The following PLCG2 variants were observed in gnomAD, a reference collection of about 807,000 sequenced individuals.
The protein encoded by PLCG2 is phospholipase C gamma 2.
PLCG2 carries 69 observed loss-of-function variants against 175.6 expected under a neutral mutation model. That is an observed-to-expected ratio of 0.39 (90% CI 0.32 to 0.48). The LOEUF (loss-of-function observed/expected upper bound fraction) is 0.48. Among genes scored for constraint, PLCG2 ranks in the 20% least tolerant of loss-of-function variants. The probability of loss-of-function intolerance (pLI) is 0.91; values close to 1 mark genes in which losing one functional copy is unlikely to be tolerated. For synonymous variants in PLCG2, 827 were observed against 624.0 expected, an observed-to-expected ratio of 1.33 and a Z score of -4.85; for missense variants, 1,798 against 1,650.9, an observed-to-expected ratio of 1.09 and a Z score of -1.54.
At chr16:81,861,886 C>T (rs1906999005) in intron 5 of PLCG2, among the ~76,000 whole-genome samples, 1 of 152,188 alleles carries the variant, frequency 6.6e-6, no homozygotes, top group South Asian at 2.1e-4. Flanking sequence ...ATCCATCTTC[C>T]CATCGGCTGG....
intron 7 of PLCG2, among the ~76,000 whole-genome samples, chr16:81,878,209 C>T (rs113539756): frequency 1.3e-5 from 2 of 151,906 alleles, no homozygotes; most frequent in Admixed American, 6.6e-5. Context: ...TGGTCTCCAT[C>T]TCCTGACCTA....
Position 81,846,069 on chromosome 16 carries a change from C to A in PLCG2, c.194-8375C>A, listed in dbSNP as rs549926302. On this transcript the variant is annotated intron_variant, in intron 2 of 32. Transcript: ENST00000564138. ...GATGCTGTTGTGCCCCACTCAGCTC[C>A]CATTACCAGGCTTGTGCTCCATTTC... Among the ~76,000 whole-genome samples the A allele has an allele frequency of 1.6e-4, 25 of 152,312 alleles. 1 individual carries two copies. In the South Asian group the frequency reaches 5.2e-3, roughly 32 times the overall value.
chr16:81,758,770 C>A (rs1472298966), intron 2 of PLCG2, among the ~76,000 whole-genome samples: 1 of 151,890 alleles, frequency 6.6e-6, no homozygotes, highest in Admixed American at 6.6e-5. Context: ...CTTTGCCTCC[C>A]AGGTTCAAGC....
chr16:81,945,027 A>T (rs1449260233), intron 30 of PLCG2, among the ~76,000 whole-genome samples: 12 of 152,192 alleles, frequency 7.9e-5, no homozygotes, highest in Non-Finnish European at 4.4e-5. Context: ...ATGGAATGCA[A>T]ATATTATATA....
chr16:81,844,317 C>T (rs980007105), intron 2 of PLCG2, among the ~76,000 whole-genome samples: 2 of 149,610 alleles, frequency 1.3e-5, no homozygotes, highest in African/African-American at 4.9e-5. Flanking sequence ...CTTTTCCTTT[C>T]TTTTCTTTCT....
chr16:81,837,288 C>G (rs1458656698), intron 2 of PLCG2, among the ~76,000 whole-genome samples: 1 of 152,254 alleles, frequency 6.6e-6, no homozygotes, highest in Non-Finnish European at 1.5e-5. Context: ...CAGACTACCT[C>G]AACTCCTTGC....
At chr16:81,802,331 C>T (rs1027449727) in intron 2 of PLCG2, among the ~76,000 whole-genome samples, 14 of 151,196 alleles carry the variant, frequency 9.3e-5, no homozygotes, top group African/African-American at 3.4e-4. Flanking sequence ...CCAGGATGGT[C>T]TCGATCTCCT....
At chr16:81,879,169 G>T (rs942611106) in intron 7 of PLCG2, among the ~76,000 whole-genome samples, 1 of 152,156 alleles carries the variant, frequency 6.6e-6, no homozygotes, top group Non-Finnish European at 1.5e-5. Flanking sequence ...GGTCAGTGAG[G>T]GGGGCCACAC....
intron 2 of PLCG2, among the ~76,000 whole-genome samples, chr16:81,801,372 T>C (rs11647603): frequency 0.21 from 31,678 of 152,126 alleles, 3,504 homozygotes; most frequent in Middle Eastern, 0.24. Flanking sequence ...GTTTTGCAGG[T>C]CTTTACATAA....
intron 14 of PLCG2, among the ~76,000 whole-genome samples, chr16:81,903,781 G>C (rs367704973): frequency 3.5e-4 from 54 of 152,264 alleles, no homozygotes; most frequent in African/African-American, 1.2e-3. Context: ...AGGATGGCTT[G>C]CTGCCTGTTC....
chr16:81,820,029 C>G (rs1904725579), intron 2 of PLCG2, among the ~76,000 whole-genome samples: 1 of 152,200 alleles, frequency 6.6e-6, no homozygotes, highest in Non-Finnish European at 1.5e-5. Flanking sequence ...GCACTGGACC[C>G]AAACTAGGAT....
chr16:81,783,110 C>A (rs1413973562), intron 1 of PLCG2: 1 of 485,456 alleles, frequency 2.1e-6, no homozygotes. Flanking sequence ...GAGCCTGGTC[C>A]CTTGTCCTGG....
intron 2 of PLCG2, among the ~76,000 whole-genome samples, chr16:81,836,341 G>A (rs965486634): frequency 2.6e-5 from 4 of 152,190 alleles, no homozygotes; most frequent in African/African-American, 9.7e-5. Flanking sequence ...TGTCAGCCAT[G>A]GACTCGTATT....
rs1911775120 is a variant in PLCG2 at position 81,961,485 on chromosome 16, G to A, written c.*3487G>A. 1 of 223,704 alleles carries A rather than the reference G, an allele frequency of 4.5e-6. No individual in the cohort carries two copies. Among genetic ancestry groups the A allele is most frequent in the Admixed American group, 5.7e-5 (1 of 17,430 alleles). The allele number at this position is 223,704 out of a possible 1,614,324, so 13.9% of individuals were successfully genotyped here. On this transcript the variant is annotated 3_prime_UTR_variant, in exon 33 of 33. Transcript: ENST00000564138. ...AAATTTTAAAGGCTTACAGCCTTAG[G>A]ATTATAGGATACTATATAATACTTT...
rs1354198145 is a variant in PLCG2, at chr16:81,936,075, T to A, written c.2843-94T>A. On this transcript the variant is annotated intron_variant, in intron 26 of 32. Transcript: ENST00000564138. ...TCAAAGAGGGAGATTCCTGGTTTCC[T>A]TTTATAATCTGAGCATCCAGCCATT... is the stretch of plus-strand genomic sequence containing the variant. 6.6e-6 allele frequency: 10 copies of A among 1,521,164 alleles called. No individual in the cohort carries two copies. In the African/African-American group the frequency reaches 1.2e-4, roughly 19 times the overall value. 94.2% of individuals were successfully genotyped at this position (1,521,164 alleles called of 1,614,324 possible).
At chr16:81,755,822 A>G (rs1270767511) in intron 1 of PLCG2, 23 of 152,294 alleles carry the variant, frequency 1.5e-4, no homozygotes, top group African/African-American at 5.5e-4. Flanking sequence ...CACTGCACCC[A>G]GCCTCAGCCT....
chr16:81,879,814 G>A (rs951194498), intron 7 of PLCG2, among the ~76,000 whole-genome samples: 2 of 152,174 alleles, frequency 1.3e-5, no homozygotes, highest in African/African-American at 2.4e-5. Flanking sequence ...GGAGGGAGGG[G>A]TGCTCCATGG....
chr16:81,943,424 G>A (rs1024485907), intron 30 of PLCG2, among the ~76,000 whole-genome samples: 5 of 152,094 alleles, frequency 3.3e-5, no homozygotes, highest in African/African-American at 9.7e-5. Context: ...ACCCCATCTC[G>A]TGAGAACTCA....
intron 2 of PLCG2, among the ~76,000 whole-genome samples, chr16:81,772,099 A>G (rs892356689): frequency 6.6e-6 from 1 of 152,088 alleles, no homozygotes; most frequent in African/African-American, 2.4e-5. Flanking sequence ...TAGGGTCTTT[A>G]TGGAGGTAAT....
Sources: gnomAD v4.1 joint callset for allele counts (sites outside exome capture counted in the v4.1 genomes callset) on GRCh38, gnomAD v4.1.1 for gene constraint, MANE v1.5 for transcripts, NCBI Gene and HGNC (gene_info 2026-07-23, HGNC 2026-07-21) for gene names.